The following ADAMTSL1 variants were observed in gnomAD, a reference collection of about 807,000 sequenced individuals.
ADAMTSL1 encodes ADAMTS like 1.
A neutral mutation model predicts 201.8 loss-of-function variants in ADAMTSL1; 126 were observed. The ratio of observed to expected loss-of-function variants is 0.62; its 90% CI spans 0.54 to 0.72. The LOEUF (loss-of-function observed/expected upper bound fraction) is 0.72. Among genes scored for constraint, ADAMTSL1 ranks in the 30% least tolerant of loss-of-function variants. The pLI is 0.00. For synonymous variants in ADAMTSL1, 1,121 were observed against 903.4 expected, an observed-to-expected ratio of 1.24 and a Z score of -4.32; for missense variants, 2,679 against 2,277.8, an observed-to-expected ratio of 1.18 and a Z score of -3.59.
At chr9:18,186,550 A>G (rs1175997999) in intron 2 of ADAMTSL1, among the ~76,000 whole-genome samples, 1 of 152,150 alleles carries the variant, frequency 6.6e-6, no homozygotes, top group East Asian at 1.9e-4. Context: ...CCACCATAAA[A>G]GTAGACTTTG....
intron 2 of ADAMTSL1, among the ~76,000 whole-genome samples, chr9:18,177,183 C>T (rs767121424): frequency 1.3e-5 from 2 of 152,124 alleles, no homozygotes; most frequent in Non-Finnish European, 2.9e-5. Flanking sequence ...TCTATGGGGA[C>T]TGTTCATCTT....
chr9:18,630,269 A>G (rs1284871608), intron 5 of ADAMTSL1, among the ~76,000 whole-genome samples: 1 of 152,182 alleles, frequency 6.6e-6, no homozygotes, highest in Non-Finnish European at 1.5e-5. Flanking sequence ...AAAGTTTGTC[A>G]CTTTGGCTGA....
intron 7 of ADAMTSL1, among the ~76,000 whole-genome samples, chr9:18,650,523 C>T (rs1324133741): frequency 3.9e-5 from 6 of 152,244 alleles, no homozygotes; most frequent in East Asian, 3.9e-4. Context: ...TGTTCCTATT[C>T]GGCCATCTTG....
intron 2 of ADAMTSL1, among the ~76,000 whole-genome samples, chr9:18,360,206 T>G (rs1268771189): frequency 6.6e-6 from 1 of 152,120 alleles, no homozygotes; most frequent in Non-Finnish European, 1.5e-5. Context: ...CTCTGTCTCT[T>G]TATCTCAATC....
intron 1 of ADAMTSL1, among the ~76,000 whole-genome samples, chr9:18,062,015 T>C (rs55861840): frequency 0.027 from 4,187 of 152,266 alleles, 93 homozygotes; most frequent in African/African-American, 0.069. Flanking sequence ...GTGCAGTGAA[T>C]TGAGGGCCAG....
chr9:18,136,793 C>T (rs1440642269), intron 1 of ADAMTSL1, among the ~76,000 whole-genome samples: 2 of 152,008 alleles, frequency 1.3e-5, no homozygotes, highest in African/African-American at 4.8e-5. Context: ...GGAGTAAGAC[C>T]TTATTGCTGG....
intron 3 of ADAMTSL1, among the ~76,000 whole-genome samples, chr9:18,566,576 G>A (rs1003983561): frequency 2.0e-5 from 3 of 152,206 alleles, no homozygotes; most frequent in African/African-American, 7.2e-5. Flanking sequence ...CTTGATAAAG[G>A]TGAGGTAATT....
intron 1 of ADAMTSL1, among the ~76,000 whole-genome samples, chr9:18,132,941 C>T (rs1826010596): frequency 6.6e-6 from 1 of 152,140 alleles, no homozygotes; most frequent in African/African-American, 2.4e-5. Flanking sequence ...AGCGTTCAGA[C>T]TGTCTCCCTG....
chr9:18,385,301 C>T (rs1442218302), intron 2 of ADAMTSL1, among the ~76,000 whole-genome samples: 4 of 152,084 alleles, frequency 2.6e-5, no homozygotes, highest in Non-Finnish European at 5.9e-5. Context: ...CAGATTCCCA[C>T]ATTATCCTCC....
intron 1 of ADAMTSL1, among the ~76,000 whole-genome samples, chr9:18,023,610 T>C (rs1211159658): frequency 6.6e-6 from 1 of 152,100 alleles, no homozygotes; most frequent in African/African-American, 2.4e-5. Context: ...GGCTTTGGGA[T>C]TTTTATCTGT....
At chr9:18,281,523 AC>A (rs1474772518) in intron 2 of ADAMTSL1, among the ~76,000 whole-genome samples, 1 of 152,130 alleles carries the variant, frequency 6.6e-6, no homozygotes, top group Admixed American at 6.5e-5. Flanking sequence ...TTGGCATGAG[AC>A]CCAGTCACAA....
intron 1 of ADAMTSL1, among the ~76,000 whole-genome samples, chr9:18,072,866 T>A (rs1047535077): frequency 2.1e-4 from 32 of 152,190 alleles, no homozygotes. Context: ...TCCTTTGTCT[T>A]TTCCAAAGAT....
intron 2 of ADAMTSL1, among the ~76,000 whole-genome samples, chr9:18,314,363 A>G (rs1208900157): frequency 6.6e-6 from 1 of 152,026 alleles, no homozygotes; most frequent in African/African-American, 2.4e-5. Flanking sequence ...GAAGCTGTGG[A>G]CCCTTGCAGT....
In ADAMTSL1 at chr9:18,775,725, CCTTT is replaced by C. The variant is rs769342753; in HGVS notation, c.2398-11_2398-8del. On this transcript the variant is annotated splice_polypyrimidine_tract_variant and intron_variant, in intron 17 of 28. Transcript: ENST00000380548. The stretch of plus-strand genomic sequence containing the variant: ...GTTCCCAGAATTTATGTGCATTTGG[CCTTT>C]CTTTCTCCACCAGTGTTCCACAAGC... The C allele has an allele frequency of 3.9e-5, 62 of 1,610,382 alleles. No homozygotes were observed. Among genetic ancestry groups the C allele is most frequent in the Middle Eastern group, 3.3e-4 (2 of 6,082 alleles).
chr9:18,153,342 T>C (rs550975240), intron 1 of ADAMTSL1, among the ~76,000 whole-genome samples: 1 of 152,180 alleles, frequency 6.6e-6, no homozygotes, highest in East Asian at 1.9e-4. Flanking sequence ...CTCTCTGGGC[T>C]CCAGAAGGAG....
intron 4 of ADAMTSL1, among the ~76,000 whole-genome samples, chr9:18,599,154 T>A (rs1383711895): frequency 6.6e-6 from 1 of 152,218 alleles, no homozygotes; most frequent in East Asian, 1.9e-4. Flanking sequence ...TTGAGCCACA[T>A]GATATAATGT....
intron 1 of ADAMTSL1, among the ~76,000 whole-genome samples, chr9:18,132,093 C>T (rs1825976511): frequency 6.6e-6 from 1 of 152,088 alleles, no homozygotes; most frequent in African/African-American, 2.4e-5. Flanking sequence ...ATGTGCCCTA[C>T]CAGCCCAGAA....
intron 2 of ADAMTSL1, among the ~76,000 whole-genome samples, chr9:18,393,339 G>A (rs1039374420): frequency 1.3e-5 from 2 of 152,144 alleles, no homozygotes; most frequent in Non-Finnish European, 2.9e-5. Context: ...ATGTTCAGGA[G>A]AGTTCATGGT....
intron 2 of ADAMTSL1, among the ~76,000 whole-genome samples, chr9:18,393,652 G>C (rs1288836714): frequency 2.0e-5 from 3 of 152,274 alleles, no homozygotes; most frequent in Non-Finnish European, 4.4e-5. Context: ...AGGTGGCAAG[G>C]GCTAAGGCAA....
Sources: allele counts gnomAD v4.1 joint callset (sites outside exome capture counted in the v4.1 genomes callset), GRCh38; gene constraint gnomAD v4.1.1; transcripts MANE v1.5; gene names NCBI Gene and HGNC (gene_info 2026-07-23, HGNC 2026-07-21).